ARHGAP31: variants seen among roughly 807,000 people sequenced by gnomAD.
The protein encoded by ARHGAP31 is Rho GTPase activating protein 31.
Under a neutral mutation model 113.9 loss-of-function variants are expected in ARHGAP31, and 34 were observed. The observed-to-expected ratio is 0.30, with a 90% confidence interval of 0.23 to 0.40. ARHGAP31 has a LOEUF of 0.40. Ranked by LOEUF, ARHGAP31 falls within the 10% of genes least tolerant of loss-of-function variation. The probability of loss-of-function intolerance (pLI) is 1.00; values close to 1 mark genes in which losing one functional copy is unlikely to be tolerated. For synonymous variants in ARHGAP31, 650 were observed against 684.8 expected (o/e 0.95, Z 0.79); for missense variants, 1,548 against 1,767.1 (o/e 0.88, Z 2.22).
intron 1 of ARHGAP31, among the ~76,000 whole-genome samples, chr3:119,326,565 G>C (rs1249858150): frequency 6.6e-6 from 1 of 152,126 alleles, no homozygotes; most frequent in Admixed American, 6.5e-5. Context: ...GGACCCTGCT[G>C]GTCCAGTATA....
chr3:119,405,748 C>T (rs566724004), intron 10 of ARHGAP31, among the ~76,000 whole-genome samples: 2 of 152,194 alleles, frequency 1.3e-5, no homozygotes, highest in Non-Finnish European at 2.9e-5. Context: ...ATGCTGGGAA[C>T]GTGACAATGC....
rs116820605 is a variant in ARHGAP31 at position 119,403,213 on chromosome 3, A to C, written c.1645+816A>C. On this transcript the variant is annotated intron_variant, in intron 10 of 11. Coordinates refer to ENST00000264245, the MANE Select transcript of ARHGAP31 (RefSeq NM_020754.4). ...TCCGTTAATATTAGTCATTTTCAGC[A>C]CCTATTAGGTTGTCAGGCACTCTCC... Among the ~76,000 whole-genome samples, 939 of 152,272 alleles carry C rather than the reference A, an allele frequency of 6.2e-3. 9 individuals carry two copies. The highest frequency in any genetic ancestry group is 0.021 in the African/African-American group (862 of 41,558).
chr3:119,405,261 C>A (rs760198673), intron 10 of ARHGAP31, among the ~76,000 whole-genome samples: 1 of 152,104 alleles, frequency 6.6e-6, no homozygotes, highest in African/African-American at 2.4e-5. Context: ...ACAGGCTAAG[C>A]TGCTATAATA....
rs1240279304 is a variant in ARHGAP31, at chr3:119,415,691, C to T, written c.3762C>T (p.Ser1254=). The change falls in exon 12 of 12, where the codon TCC becomes TCT. Residue 1254 remains serine (S), a synonymous_variant. Transcript: ENST00000264245. ...QKPAKDDSPS[S]LESSKEEKPK... is the part of the protein sequence containing the mutation. ...CTGCCAAAGATGATTCTCCCTCCTC[C>T]CTGGAAAGCTCAAAGGAAGAAAAAC... 2.5e-6 allele frequency: 4 copies of T among 1,614,058 alleles called. No homozygotes were observed. The highest frequency in any genetic ancestry group is 1.7e-5 in the Admixed American group (1 of 60,006).
At chr3:119,371,132 G>A (rs1252693285) in intron 3 of ARHGAP31, among the ~76,000 whole-genome samples, 1 of 152,162 alleles carries the variant, frequency 6.6e-6, no homozygotes, top group Non-Finnish European at 1.5e-5. Flanking sequence ...GAATATGATA[G>A]AATGGAATAT....
Position 119,418,447 on chromosome 3 carries a change from C to T in ARHGAP31, c.*2183C>T, listed in dbSNP as rs1233968107. On this transcript the variant is annotated 3_prime_UTR_variant, in exon 12 of 12. Transcript: ENST00000264245. ...CCTCAGTGCTCCTGCGGTGTCGACG[C>T]TCTGATAAGGACCATGTTCCAGTTA... is the stretch of plus-strand genomic sequence containing the variant. The T allele has an allele frequency of 6.6e-6, 1 of 152,192 alleles. No individual in the cohort carries two copies. The highest frequency in any genetic ancestry group is 2.1e-4 in the South Asian group (1 of 4,828). The allele number at this position is 152,192 out of a possible 1,614,324, so 9.4% of individuals were successfully genotyped here.
At chr3:119,382,445 G>A in intron 5 of ARHGAP31, 46 bp downstream of exon 5, 3 of 1,539,236 alleles carry the variant, frequency 1.9e-6, no homozygotes, top group Non-Finnish European at 2.7e-6. Flanking sequence ...GGGGCTCAGA[G>A]CAGCCCCCGA....
chr3:119,385,530 A>G (rs1359477003), intron 6 of ARHGAP31, among the ~76,000 whole-genome samples: 1 of 152,178 alleles, frequency 6.6e-6, no homozygotes, highest in East Asian at 1.9e-4. Context: ...TTTAAACTAT[A>G]TAAAAACCTT....
intron 1 of ARHGAP31, among the ~76,000 whole-genome samples, chr3:119,302,167 C>A (rs540400738): frequency 2.6e-5 from 4 of 152,344 alleles, no homozygotes; most frequent in African/African-American, 9.6e-5. Context: ...TTGAGTTGAA[C>A]CGATCTTGCT....
intron 10 of ARHGAP31, among the ~76,000 whole-genome samples, chr3:119,404,627 C>T (rs1559994951): frequency 6.6e-6 from 1 of 152,226 alleles, no homozygotes; most frequent in Non-Finnish European, 1.5e-5. Flanking sequence ...GAATTAAAGG[C>T]AATTTTCCAG....
intron 6 of ARHGAP31, 94 bp downstream of exon 6, chr3:119,383,320 C>G: frequency 1.1e-5 from 16 of 1,521,570 alleles, no homozygotes; most frequent in Non-Finnish European, 1.5e-5. Context: ...GGGCTTAGTT[C>G]TAGCTCTGAG....
intron 8 of ARHGAP31, among the ~76,000 whole-genome samples, 165 bp from the exon 9 acceptor site, chr3:119,399,034 A>G (rs1190808865): frequency 6.6e-6 from 1 of 152,242 alleles, no homozygotes; most frequent in Middle Eastern, 3.2e-3. Context: ...TTAAGAAAGT[A>G]GGAACATCTA....
At chr3:119,394,302 G>A (rs2080529029) in intron 8 of ARHGAP31, among the ~76,000 whole-genome samples, 1 of 152,144 alleles carries the variant, frequency 6.6e-6, no homozygotes, top group Admixed American at 6.5e-5. Flanking sequence ...TATGGCATTT[G>A]CTAAATGATG....
intron 1 of ARHGAP31, among the ~76,000 whole-genome samples, chr3:119,361,741 T>C (rs2080209003): frequency 1.3e-5 from 2 of 152,176 alleles, no homozygotes; most frequent in South Asian, 2.1e-4. Context: ...CAGGACTTGA[T>C]CCAGGGACCA....
chr3:119,360,890 C>T (rs1335774580), intron 1 of ARHGAP31, among the ~76,000 whole-genome samples: 1 of 152,142 alleles, frequency 6.6e-6, no homozygotes. Context: ...CTATGTGTAC[C>T]TCTGTAGGAG....
intron 1 of ARHGAP31, among the ~76,000 whole-genome samples, chr3:119,319,512 AGG>A: frequency 6.6e-6 from 1 of 152,342 alleles, no homozygotes; most frequent in South Asian, 2.1e-4. Flanking sequence ...CATAAATTGC[AGG>A]ATATCAAGCA....
intron 1 of ARHGAP31, among the ~76,000 whole-genome samples, chr3:119,312,356 T>C (rs992855053): frequency 2.6e-5 from 4 of 152,246 alleles, no homozygotes; most frequent in African/African-American, 9.6e-5. Context: ...GGATGATAAC[T>C]AGAAGGATGT....
At chr3:119,330,248 A>G (rs1312261310) in intron 1 of ARHGAP31, among the ~76,000 whole-genome samples, 3 of 152,154 alleles carry the variant, frequency 2.0e-5, no homozygotes, top group African/African-American at 7.2e-5. Flanking sequence ...TATCCTAGAG[A>G]ACCCAGAGCT....
At position 119,401,901 on chromosome 3, in the gene ARHGAP31, C is replaced by G; in HGVS notation, c.1149C>G (p.Thr383=). ...TTCCAGCAACAAAGATGCACTCCACCGGCACCGGCAGCTCATGTGACCTCA... is the reference window on the plus strand; with the variant it reads ...TTCCAGCAACAAAGATGCACTCCACGGGCACCGGCAGCTCATGTGACCTCA... ...FFIPATKMHS[T]GTGSSCDLTK... Residue 383 remains threonine, a synonymous_variant, in exon 10 of 12, where the codon ACC becomes ACG. Transcript: ENST00000264245. The G allele has an allele frequency of 6.2e-7, 1 of 1,614,030 alleles. No individual in the cohort carries two copies. Among genetic ancestry groups the G allele is most frequent in the Non-Finnish European group, 8.5e-7 (1 of 1,179,998 alleles).
Sources: gnomAD v4.1 joint callset for allele counts (sites outside exome capture counted in the v4.1 genomes callset) on GRCh38, gnomAD v4.1.1 for gene constraint, MANE v1.5 for transcripts, NCBI Gene and HGNC (gene_info 2026-07-23, HGNC 2026-07-21) for gene names.